The following ARHGAP24 variants were observed in gnomAD, a reference collection of about 807,000 sequenced individuals.
ARHGAP24 encodes the protein rho GTPase-activating protein 24.
A neutral mutation model predicts 76.4 loss-of-function variants in ARHGAP24; 50 were observed. The ratio of observed to expected loss-of-function variants is 0.65; its 90% CI spans 0.52 to 0.83. ARHGAP24 has a LOEUF of 0.83. ARHGAP24 is among the 40% of genes least tolerant of loss of function. ARHGAP24 has a pLI of 0.00. For missense variants in ARHGAP24, 930 were observed against 914.2 expected (o/e 1.02, Z -0.22); for synonymous variants, 345 against 323.3 (o/e 1.07, Z -0.72).
At chr4:85,494,523 A>G (rs1048462888) in intron 1 of ARHGAP24, among the ~76,000 whole-genome samples, 2 of 151,966 alleles carry the variant, frequency 1.3e-5, no homozygotes, top group African/African-American at 2.4e-5. Context: ...CGTCTCTACT[A>G]AAAATACAAA....
intron 3 of ARHGAP24, among the ~76,000 whole-genome samples, chr4:85,757,616 T>C (rs1379281527): frequency 8.5e-5 from 13 of 152,226 alleles, no homozygotes; most frequent in Non-Finnish European, 1.5e-4. Context: ...CAGCCTATCA[T>C]TAATGGACAT....
intron 1 of ARHGAP24, among the ~76,000 whole-genome samples, chr4:85,558,971 G>A (rs1726493025): frequency 6.6e-6 from 1 of 152,074 alleles, no homozygotes; most frequent in Non-Finnish European, 1.5e-5. Context: ...CTCACTAAAG[G>A]AACCTGATAT....
At chr4:85,878,338 A>C (rs1471626978) in intron 3 of ARHGAP24, among the ~76,000 whole-genome samples, 1 of 152,160 alleles carries the variant, frequency 6.6e-6, no homozygotes, top group Non-Finnish European at 1.5e-5. Context: ...ATTCCAGCAA[A>C]GCTATGTATC....
At chr4:85,699,631 GA>G (rs200225458) in intron 2 of ARHGAP24, among the ~76,000 whole-genome samples, 3,764 of 151,798 alleles carry the variant, frequency 0.025, 54 homozygotes, top group South Asian at 0.057. Context: ...ACTTTTCAGA[GA>G]GATATCCTTA....
At chr4:85,586,615 T>G (rs556170653) in intron 2 of ARHGAP24, among the ~76,000 whole-genome samples, 1 of 152,178 alleles carries the variant, frequency 6.6e-6, no homozygotes, top group Non-Finnish European at 1.5e-5. Flanking sequence ...AAGTTGAGAA[T>G]TGGGCCGGGC....
At chr4:85,706,345 A>G (rs1332056366) in intron 2 of ARHGAP24, among the ~76,000 whole-genome samples, 2 of 152,186 alleles carry the variant, frequency 1.3e-5, no homozygotes, top group Admixed American at 1.3e-4. Flanking sequence ...TACTGTGGAA[A>G]CTACTAGCTA....
chr4:85,687,135 A>G (rs1473978227), intron 2 of ARHGAP24, among the ~76,000 whole-genome samples: 1 of 151,924 alleles, frequency 6.6e-6, no homozygotes, highest in Admixed American at 6.5e-5. Flanking sequence ...TAGATAGATA[A>G]TTTTAATTAA....
chr4:85,667,550 G>A (rs190332837), intron 2 of ARHGAP24, among the ~76,000 whole-genome samples: 20 of 152,246 alleles, frequency 1.3e-4, no homozygotes, highest in Admixed American at 5.2e-4. Flanking sequence ...GATGAACCCC[G>A]TACCTCAGAT....
At chr4:85,578,447 C>A (rs1015609422) in intron 2 of ARHGAP24, among the ~76,000 whole-genome samples, 1 of 152,184 alleles carries the variant, frequency 6.6e-6, no homozygotes, top group Non-Finnish European at 1.5e-5. Context: ...ACCATTTTCA[C>A]ACTCATAATT....
chr4:85,808,094 GAA>G (rs1728868046), intron 3 of ARHGAP24, among the ~76,000 whole-genome samples: 1 of 152,076 alleles, frequency 6.6e-6, no homozygotes, highest in African/African-American at 2.4e-5. Flanking sequence ...TTCTTGTAAT[GAA>G]AGAGACCAGA....
chr4:85,634,912 A>G (rs1578096643), intron 2 of ARHGAP24, among the ~76,000 whole-genome samples: 1 of 151,682 alleles, frequency 6.6e-6, no homozygotes, highest in Non-Finnish European at 1.5e-5. Flanking sequence ...AAGTAAACAT[A>G]CCCACACCTT....
At chr4:85,692,043 G>A (rs572966921) in intron 2 of ARHGAP24, among the ~76,000 whole-genome samples, 1 of 152,224 alleles carries the variant, frequency 6.6e-6, no homozygotes, top group South Asian at 2.1e-4. Context: ...ATTCCCTCAG[G>A]ATTTGCTTGT....
chr4:85,866,777 T>C (rs903628211), intron 3 of ARHGAP24, among the ~76,000 whole-genome samples: 1 of 151,970 alleles, frequency 6.6e-6, no homozygotes, highest in Non-Finnish European at 1.5e-5. Flanking sequence ...AGGCATCAGA[T>C]GGAGGAAAGA....
intron 5 of ARHGAP24, among the ~76,000 whole-genome samples, chr4:85,966,519 T>C (rs1738618483): frequency 6.6e-6 from 1 of 152,156 alleles, no homozygotes; most frequent in Non-Finnish European, 1.5e-5. Flanking sequence ...TGCTGAAAAG[T>C]GCATCTGTTT....
intron 2 of ARHGAP24, among the ~76,000 whole-genome samples, chr4:85,664,263 T>C (rs1722519993): frequency 6.6e-6 from 1 of 151,226 alleles, no homozygotes; most frequent in Non-Finnish European, 1.5e-5. Flanking sequence ...TCGAGGAATT[T>C]ATCCATTTCT....
chr4:85,649,649 TC>T (rs1721860774), intron 2 of ARHGAP24, among the ~76,000 whole-genome samples: 16 of 152,284 alleles, frequency 1.1e-4, no homozygotes, highest in Admixed American at 9.2e-4. Flanking sequence ...TGAGATTTAT[TC>T]TCAAAATTTG....
chr4:85,966,549 T>A (rs933521030), intron 5 of ARHGAP24, among the ~76,000 whole-genome samples: 1 of 152,134 alleles, frequency 6.6e-6, no homozygotes, highest in African/African-American at 2.4e-5. Context: ...CATAAAAAAA[T>A]AAGTTTGAAC....
At chr4:85,595,786 A>G (rs1719806813) in intron 2 of ARHGAP24, among the ~76,000 whole-genome samples, 2 of 152,072 alleles carry the variant, frequency 1.3e-5, no homozygotes, top group South Asian at 2.1e-4. Flanking sequence ...TATAAACTAT[A>G]TTCACTTCCT....
At chr4:85,606,349 T>A (rs1296138693) in intron 2 of ARHGAP24, among the ~76,000 whole-genome samples, 3 of 151,796 alleles carry the variant, frequency 2.0e-5, no homozygotes, top group Admixed American at 2.0e-4. Context: ...CTGTCTCTAC[T>A]AAAATACAAA....
Sources: gnomAD v4.1 joint callset for allele counts (sites outside exome capture counted in the v4.1 genomes callset) on GRCh38, gnomAD v4.1.1 for gene constraint, MANE v1.5 for transcripts, NCBI Gene and HGNC (gene_info 2026-07-23, HGNC 2026-07-21) for gene names.